Variants in ANKS1B observed in about 807,000 individuals in gnomAD.
ANKS1B encodes the protein ankyrin repeat and sterile alpha motif domain-containing protein 1B.
ANKS1B carries 36 observed loss-of-function variants against 148.3 expected under a neutral mutation model. That is an observed-to-expected ratio of 0.24 (90% CI 0.19 to 0.32). The LOEUF (loss-of-function observed/expected upper bound fraction) is 0.32, where lower values mean the gene tolerates loss of function less well. Among genes scored for constraint, ANKS1B ranks in the 10% least tolerant of loss-of-function variants. The pLI is 1.00. For synonymous variants in ANKS1B, 542 were observed against 560.8 expected (o/e 0.97, Z 0.47); for missense variants, 1,157 against 1,542.6 (o/e 0.75, Z 4.19).
chr12:98,873,470 G>A (rs576565597), intron 17 of ANKS1B, among the ~76,000 whole-genome samples: 10 of 152,090 alleles, frequency 6.6e-5, no homozygotes, highest in Non-Finnish European at 1.0e-4. Flanking sequence ...GTGATATAAG[G>A]TTTAAAAAAG....
intron 20 of ANKS1B, among the ~76,000 whole-genome samples, chr12:98,802,457 G>A (rs1028292483): frequency 3.3e-5 from 5 of 152,038 alleles, no homozygotes; most frequent in African/African-American, 1.2e-4. Flanking sequence ...TAGGAATGGC[G>A]TACATAGGGT....
intron 19 of ANKS1B, among the ~76,000 whole-genome samples, chr12:98,828,259 C>T (rs934283164): frequency 1.3e-5 from 2 of 152,156 alleles, no homozygotes; most frequent in African/African-American, 2.4e-5. Flanking sequence ...ATTTGTCTCT[C>T]GTGAGCTGCA....
chr12:99,641,353 TAGTC>T (rs1269415431), intron 9 of ANKS1B, among the ~76,000 whole-genome samples: 3 of 152,148 alleles, frequency 2.0e-5, no homozygotes, highest in African/African-American at 4.8e-5. Context: ...CAACAAATAA[TAGTC>T]AGGCCAATTA....
intron 12 of ANKS1B, among the ~76,000 whole-genome samples, chr12:99,334,562 A>C (rs961095122): frequency 6.6e-6 from 1 of 152,106 alleles, no homozygotes; most frequent in Non-Finnish European, 1.5e-5. Context: ...TCAAGTTTGC[A>C]TGCCCAGTTC....
intron 9 of ANKS1B, among the ~76,000 whole-genome samples, chr12:99,577,439 C>T (rs1720353084): frequency 6.6e-6 from 1 of 150,416 alleles, no homozygotes; most frequent in African/African-American, 2.4e-5. Context: ...TCAACAAGAC[C>T]AAAACTTTGT....
intron 15 of ANKS1B, among the ~76,000 whole-genome samples, chr12:99,102,929 A>T (rs2058316706): frequency 6.6e-6 from 1 of 152,044 alleles, no homozygotes; most frequent in South Asian, 2.1e-4. Context: ...ATGTGTTTTG[A>T]AAACATAACG....
chr12:98,989,791 G>T (rs1364325196), intron 17 of ANKS1B, among the ~76,000 whole-genome samples: 1 of 152,008 alleles, frequency 6.6e-6, no homozygotes, highest in Non-Finnish European at 1.5e-5. Context: ...TGCTCGGGAG[G>T]CTGAGGCAGG....
chr12:99,803,843 C>T (rs1415821009), intron 4 of ANKS1B, among the ~76,000 whole-genome samples: 1 of 152,174 alleles, frequency 6.6e-6, no homozygotes, highest in Non-Finnish European at 1.5e-5. Context: ...TGTTCTCCCT[C>T]TTAAAATCCA....
chr12:99,854,810 G>T (rs1603350626), intron 1 of ANKS1B, among the ~76,000 whole-genome samples: 1 of 152,098 alleles, frequency 6.6e-6, no homozygotes. Flanking sequence ...CTTCATAAAT[G>T]AAGGAAAGAT....
chr12:99,667,333 A>G (rs2098513540), intron 8 of ANKS1B, among the ~76,000 whole-genome samples: 1 of 138,358 alleles, frequency 7.2e-6, no homozygotes, highest in African/African-American at 3.1e-5. Context: ...TGGGTGACAG[A>G]GCGAGACTCT....
intron 1 of ANKS1B, among the ~76,000 whole-genome samples, chr12:99,855,654 T>C (rs1316491144): frequency 6.6e-6 from 1 of 152,160 alleles, no homozygotes; most frequent in Non-Finnish European, 1.5e-5. Context: ...ATAGGCCATA[T>C]GATAGACCAC....
At chr12:99,769,853 C>T (rs559414329) in intron 8 of ANKS1B, among the ~76,000 whole-genome samples, 1 of 152,326 alleles carries the variant, frequency 6.6e-6, no homozygotes, top group Admixed American at 6.5e-5. Flanking sequence ...TCAAATTATG[C>T]ACTAATTCTC....
chr12:99,554,302 A>T (rs1325579034), intron 9 of ANKS1B, among the ~76,000 whole-genome samples: 2 of 152,164 alleles, frequency 1.3e-5, no homozygotes, highest in Non-Finnish European at 2.9e-5. Flanking sequence ...GAGTGAGAGG[A>T]ATAAGGAAGG....
At chr12:99,325,445 T>C (rs957437374) in intron 12 of ANKS1B, among the ~76,000 whole-genome samples, 1 of 152,140 alleles carries the variant, frequency 6.6e-6, no homozygotes, top group Non-Finnish European at 1.5e-5. Flanking sequence ...ATATTGAAGA[T>C]GGCACCTGCA....
chr12:99,034,773 T>C (rs767146527), intron 17 of ANKS1B, among the ~76,000 whole-genome samples: 13 of 152,244 alleles, frequency 8.5e-5, no homozygotes, highest in Non-Finnish European at 1.6e-4. Flanking sequence ...TTCATTCATA[T>C]GTTAATCAAA....
At chr12:98,935,758 T>C (rs1042795616) in intron 17 of ANKS1B, among the ~76,000 whole-genome samples, 1 of 152,172 alleles carries the variant, frequency 6.6e-6, no homozygotes, top group Non-Finnish European at 1.5e-5. Flanking sequence ...GAGGAGACTT[T>C]GGACAAAAAG....
At chr12:99,509,026 A>G (rs542154652) in intron 9 of ANKS1B, among the ~76,000 whole-genome samples, 3 of 151,980 alleles carry the variant, frequency 2.0e-5, no homozygotes, top group African/African-American at 7.2e-5. Flanking sequence ...TGTTATGGCC[A>G]TCTGTGATCA....
At chr12:99,434,979 T>C (rs539238026) in intron 11 of ANKS1B, among the ~76,000 whole-genome samples, 26 of 152,084 alleles carry the variant, frequency 1.7e-4, no homozygotes, top group South Asian at 1.7e-3. Flanking sequence ...GGAAAAAAGA[T>C]GAAAAAATTT....
At chr12:99,216,166 C>G (rs118037743) in intron 14 of ANKS1B, among the ~76,000 whole-genome samples, 1 of 152,186 alleles carries the variant, frequency 6.6e-6, no homozygotes, top group Admixed American at 6.5e-5. Context: ...CTTTGCACTT[C>G]GTTTGCCTTC....
Sources: allele counts gnomAD v4.1 joint callset (sites outside exome capture counted in the v4.1 genomes callset), GRCh38; gene constraint gnomAD v4.1.1; transcripts MANE v1.5; gene names NCBI Gene and HGNC (gene_info 2026-07-23, HGNC 2026-07-21).